The following ADGRV1 variants were observed in gnomAD, a reference collection of about 807,000 sequenced individuals.
ADGRV1 encodes adhesion G protein-coupled receptor V1.
ADGRV1 carries 359 observed loss-of-function variants against 596.2 expected under a neutral mutation model. That is an observed-to-expected ratio of 0.60 (90% confidence interval 0.55 to 0.66). The LOEUF is 0.66. Among genes scored for constraint, ADGRV1 ranks in the 30% least tolerant of loss-of-function variants. The pLI, the probability that ADGRV1 is intolerant of heterozygous loss-of-function variation, is 0.00. For missense variants in ADGRV1, 7,274 were observed against 7,575.6 expected (o/e 0.96, Z 1.48); for synonymous variants, 2,681 against 2,679.2 (o/e 1.00, Z -0.02).
rs767740072 is a variant in ADGRV1, at chr5:90,683,736, G to A, written c.5815G>A (p.Glu1939Lys). 6.2e-6 allele frequency: 10 copies of A among 1,613,720 alleles called. No homozygotes were observed. Among genetic ancestry groups the A allele is most frequent in the Middle Eastern group, 1.6e-4 (1 of 6,084 alleles). ...TATCACTGTGGAGATATTGCCTGAC[G>A]AAGACCCAGAACTGGATAAGGCATT... is the stretch of plus-strand genomic sequence containing the variant. The part of the protein sequence containing the change: ...ANITVEILPD[E>K]DPELDKAFSV... The change falls in exon 28 of 90, where the codon GAA becomes AAA. Residue 1939 changes from glutamate (E) to lysine (K), a missense_variant. Glu to Lys is a moderately conservative substitution (Grantham distance 56). This residue lies in a region of ADGRV1 where 3,643 missense variants were observed against 3,809.2 expected (regional missense o/e 0.96). Coordinates refer to ENST00000405460, the MANE Select transcript of ADGRV1 (RefSeq NM_032119.4).
intron 83 of ADGRV1, among the ~76,000 whole-genome samples, chr5:90,896,150 C>G (rs62374012): frequency 0.24 from 36,271 of 151,028 alleles, 5,530 homozygotes; most frequent in East Asian, 0.5. Flanking sequence ...TCTGAAGTTT[C>G]TTCCTCAGAA....
intron 1 of ADGRV1, among the ~76,000 whole-genome samples, chr5:90,559,345 G>A (rs1754507048): frequency 1.3e-5 from 2 of 152,104 alleles, no homozygotes; most frequent in South Asian, 4.1e-4. Flanking sequence ...TAATGGGAAG[G>A]GTGAGATAAA....
intron 89 of ADGRV1, among the ~76,000 whole-genome samples, chr5:91,153,720 G>A (rs574686514): frequency 1.5e-4 from 23 of 152,374 alleles, no homozygotes; most frequent in African/African-American, 5.5e-4. Context: ...CACTGAGGGA[G>A]TTTTGCCTCT....
intron 82 of ADGRV1, among the ~76,000 whole-genome samples, chr5:90,862,568 C>T (rs1409131562): frequency 6.6e-6 from 1 of 152,036 alleles, no homozygotes; most frequent in Admixed American, 6.6e-5. Flanking sequence ...CTCTGCAGTT[C>T]CTGAAGATAC....
chr5:90,822,646 T>G (rs1346639143), intron 75 of ADGRV1, among the ~76,000 whole-genome samples: 7 of 152,160 alleles, frequency 4.6e-5, no homozygotes, highest in African/African-American at 1.4e-4. Flanking sequence ...TTTAAAGTAG[T>G]TTTTTCCAAT....
At chr5:90,573,573 C>T (rs1756822698) in intron 1 of ADGRV1, among the ~76,000 whole-genome samples, 1 of 152,056 alleles carries the variant, frequency 6.6e-6, no homozygotes, top group Admixed American at 6.6e-5. Context: ...AGTAAAAATA[C>T]AATATTATAA....
chr5:91,064,878 G>A (rs1196305483), intron 85 of ADGRV1, among the ~76,000 whole-genome samples: 1 of 152,034 alleles, frequency 6.6e-6, no homozygotes, highest in Non-Finnish European at 1.5e-5. Flanking sequence ...CAGGAAATAC[G>A]TACACACACA....
At chr5:90,668,405 A>T (rs147437156) in intron 21 of ADGRV1, among the ~76,000 whole-genome samples, 1 of 151,862 alleles carries the variant, frequency 6.6e-6, no homozygotes, top group Non-Finnish European at 1.5e-5. Flanking sequence ...TTCTTTGACT[A>T]GGAAAGGGAA....
intron 21 of ADGRV1, among the ~76,000 whole-genome samples, chr5:90,661,477 T>C (rs1770284355): frequency 6.6e-6 from 1 of 152,224 alleles, no homozygotes; most frequent in Admixed American, 6.5e-5. Flanking sequence ...TATAATCCGA[T>C]ATCACCAATC....
intron 1 of ADGRV1, among the ~76,000 whole-genome samples, chr5:90,577,445 C>A (rs1269093347): frequency 2.0e-5 from 3 of 152,138 alleles, no homozygotes; most frequent in African/African-American, 7.2e-5. Flanking sequence ...GGTGTTATTT[C>A]TGAGGCCTCT....
intron 50 of ADGRV1, 47 bp from the exon 51 acceptor site, chr5:90,744,998 GT>G: frequency 7.4e-7 from 1 of 1,345,546 alleles, no homozygotes; most frequent in Non-Finnish European, 1.1e-6. Context: ...AGTGTGGGAG[GT>G]GACAGTTTAT....
intron 85 of ADGRV1, among the ~76,000 whole-genome samples, chr5:91,040,711 T>C (rs1785269817): frequency 6.6e-6 from 1 of 152,226 alleles, no homozygotes; most frequent in Admixed American, 6.5e-5. Flanking sequence ...GAATTTCCAG[T>C]TATCTGCAAT....
chr5:91,106,012 A>G (rs1791839357), intron 87 of ADGRV1, among the ~76,000 whole-genome samples: 1 of 151,484 alleles, frequency 6.6e-6, no homozygotes, highest in Non-Finnish European at 1.5e-5. Flanking sequence ...ATATTTATAA[A>G]CCTTTTATAA....
intron 71 of ADGRV1, among the ~76,000 whole-genome samples, chr5:90,803,887 C>T (rs1761648462): frequency 6.6e-6 from 1 of 152,060 alleles, no homozygotes; most frequent in African/African-American, 2.4e-5. Context: ...TACTCCTTAT[C>T]CATGCACATT....
intron 85 of ADGRV1, among the ~76,000 whole-genome samples, chr5:91,041,886 C>A (rs944668866): frequency 6.6e-6 from 1 of 152,080 alleles, no homozygotes; most frequent in African/African-American, 2.4e-5. Context: ...AGACATTAAA[C>A]ACATGCATAT....
intron 72 of ADGRV1, among the ~76,000 whole-genome samples, chr5:90,806,205 G>A (rs1317364203): frequency 6.6e-6 from 1 of 152,164 alleles, no homozygotes; most frequent in African/African-American, 2.4e-5. Flanking sequence ...TGGGGGATGA[G>A]GGCTAGGCCA....
intron 83 of ADGRV1, among the ~76,000 whole-genome samples, chr5:90,941,348 G>A (rs758829258): frequency 3.3e-5 from 5 of 152,138 alleles, no homozygotes; most frequent in Non-Finnish European, 5.9e-5. Flanking sequence ...AACATTATAT[G>A]ATCAGTCATG....
intron 70 of ADGRV1, among the ~76,000 whole-genome samples, chr5:90,800,318 A>C (rs1390702621): frequency 6.6e-6 from 1 of 152,206 alleles, no homozygotes; most frequent in East Asian, 1.9e-4. Context: ...AACAAACATG[A>C]AAAAATGCTC....
chr5:90,775,848 A>G (rs1758169304), intron 60 of ADGRV1, among the ~76,000 whole-genome samples: 2 of 152,174 alleles, frequency 1.3e-5, no homozygotes, highest in South Asian at 4.1e-4. Context: ...ATCCATTGCC[A>G]AAGAAAGTGA....
Sources: allele counts gnomAD v4.1 joint callset (sites outside exome capture counted in the v4.1 genomes callset), GRCh38; gene constraint gnomAD v4.1.1; regional missense constraint gnomAD v4.1.1; transcripts MANE v1.5; gene names NCBI Gene and HGNC (gene_info 2026-07-23, HGNC 2026-07-21).